The following SYNCRIP variants were observed in gnomAD, a reference collection of about 807,000 sequenced individuals.
SYNCRIP encodes the protein heterogeneous nuclear ribonucleoprotein Q.
Under a neutral mutation model 68.9 loss-of-function variants are expected in SYNCRIP, and 9 were observed. That is an observed-to-expected ratio of 0.13 (90% CI 0.08 to 0.23). SYNCRIP has a LOEUF of 0.23. Ranked by LOEUF, SYNCRIP falls within the 10% of genes least tolerant of loss-of-function variation. The pLI is 1.00. For synonymous variants in SYNCRIP, 258 were observed against 254.0 expected (o/e 1.02, Z -0.15); for missense variants, 414 against 770.6 (o/e 0.54, Z 5.48).
chr6:85,636,912 CTTGATA>C (rs1808527023), intron 6 of SYNCRIP, 49 bp downstream of exon 6: 2 of 1,507,278 alleles, frequency 1.3e-6, no homozygotes, highest in Non-Finnish European at 1.8e-6. Context: ...AAGAAAAAAA[CTTGATA>C]TTAAAGACAG....
chr6:85,640,140 T>C (rs1808959388), intron 4 of SYNCRIP, 81 bp downstream of exon 4: 5 of 942,092 alleles, frequency 5.3e-6, no homozygotes, highest in Non-Finnish European at 6.8e-6. Flanking sequence ...CATACATCCA[T>C]TTCATACCCA....
In SYNCRIP at chr6:85,614,539, T is replaced by C. The variant is rs1805541424; in HGVS notation, c.*217A>G. 3 of 1,263,594 alleles carry C rather than the reference T, an allele frequency of 2.4e-6. No individual in the cohort carries two copies. The highest frequency in any genetic ancestry group is 3.1e-5 in the African/African-American group (2 of 64,690). The allele number at this position is 1,263,594 out of a possible 1,614,324, so 78.3% of individuals were successfully genotyped here. On this transcript the variant is annotated 3_prime_UTR_variant, in exon 11 of 11. Transcript: ENST00000369622. ...CAAACTCATTAACTATTTCTTTCAG[T>C]ATCTAAGAATATCTTTATTGAAAAA...
chr6:85,630,217 C>T (rs1207000422), intron 6 of SYNCRIP, among the ~76,000 whole-genome samples: 2 of 151,802 alleles, frequency 1.3e-5, no homozygotes, highest in African/African-American at 4.8e-5. Flanking sequence ...AAAAAATTAG[C>T]CGGGTGTGGT....
chr6:85,633,086 A>G (rs1808004987), intron 6 of SYNCRIP, among the ~76,000 whole-genome samples: 1 of 151,630 alleles, frequency 6.6e-6, no homozygotes, highest in Non-Finnish European at 1.5e-5. Context: ...CCCTGTCTCT[A>G]CTAAAAAAAT....
intron 7 of SYNCRIP, among the ~76,000 whole-genome samples, chr6:85,623,579 A>ACAAAACAAAAAAAAAAAAC (rs66756023): frequency 2.4e-5 from 3 of 125,758 alleles, no homozygotes; most frequent in East Asian, 5.7e-4. Flanking sequence ...AAAAAAAAAA[A>ACAAAACAAAAAAAAAAAAC]AAAACACTCT....
chr6:85,628,851 A>T (rs1436310472), intron 6 of SYNCRIP, among the ~76,000 whole-genome samples: 1 of 152,194 alleles, frequency 6.6e-6, no homozygotes. Context: ...CACTGAATGG[A>T]GATTCAAGTT....
At position 85,626,094 on chromosome 6, in the gene SYNCRIP, C is replaced by A. The variant is rs572805153; in HGVS notation, c.667-1982G>T. Among the ~76,000 whole-genome samples the A allele has an allele frequency of 2.6e-5, 4 of 152,306 alleles. No homozygotes were observed. The South Asian group carries it at 8.3e-4, about 32-fold the overall frequency. On this transcript the variant is annotated intron_variant, in intron 6 of 10. Transcript: ENST00000369622. ...TTGTTTTCTCATATAGCATTCATGT[C>A]TTTCTCTTCTACCAGACTAATAATC... is the stretch of plus-strand genomic sequence containing the variant.
At chr6:85,632,209 A>G (rs545404695) in intron 6 of SYNCRIP, among the ~76,000 whole-genome samples, 1 of 152,342 alleles carries the variant, frequency 6.6e-6, no homozygotes, top group African/African-American at 2.4e-5. Context: ...GTATTAAAAG[A>G]CAATGCCAAA....
chr6:85,619,512 T>G, intron 8 of SYNCRIP, 95 bp from the exon 9 acceptor site: 2 of 1,103,324 alleles, frequency 1.8e-6, no homozygotes, highest in Non-Finnish European at 2.5e-6. Context: ...CAAATCACAA[T>G]CCATTAGAAG....
chr6:85,608,585 A>G (rs1208585261), exon 12 of SYNCRIP: 2 of 152,012 alleles, frequency 1.3e-5, no homozygotes, highest in African/African-American at 4.8e-5. Context: ...AAAGGAATGA[A>G]ATAAATATAA....
At chr6:85,616,676 C>G (rs996224406) in intron 10 of SYNCRIP, among the ~76,000 whole-genome samples, 2 of 152,130 alleles carry the variant, frequency 1.3e-5, no homozygotes, top group Admixed American at 1.3e-4. Context: ...TTAAAGGCCC[C>G]TGTTCCAACT....
rs1336303438 is a variant in SYNCRIP at position 85,615,077 on chromosome 6, G to A, written c.1551C>T (p.Pro517=). 2 of 1,613,968 alleles carry A rather than the reference G, an allele frequency of 1.2e-6. No individual in the cohort carries two copies. Among genetic ancestry groups the A allele is most frequent in the Non-Finnish European group, 1.7e-6 (2 of 1,180,032 alleles). Residue 517 remains proline (P), a synonymous_variant, in exon 11 of 11, where the codon CCC becomes CCT. Transcript: ENST00000369622. The part of the protein sequence containing the change: ...APSRGRGAAP[P]RGRAGYSQRG... ...TCTGTGAATAACCGGCTCTACCGCGGGGAGGAGCAGCCCCACGACCTCTGG... is the reference window on the plus strand; with the variant it reads ...TCTGTGAATAACCGGCTCTACCGCGAGGAGGAGCAGCCCCACGACCTCTGG...
chr6:85,610,613 A>G (rs1290118111), downstream of SYNCRIP: 2 of 152,036 alleles, frequency 1.3e-5, no homozygotes, highest in East Asian at 3.8e-4. Context: ...TAAAATCCCA[A>G]CAAGTAATTC....
chr6:85,623,889 G>A, intron 7 of SYNCRIP, 88 bp downstream of exon 7: 1 of 1,480,952 alleles, frequency 6.8e-7, no homozygotes, highest in Non-Finnish European at 9.2e-7. Context: ...GTCAATAAAT[G>A]TATTTAGAAC....
chr6:85,631,977 C>T (rs1158392014), intron 6 of SYNCRIP, among the ~76,000 whole-genome samples: 1 of 152,148 alleles, frequency 6.6e-6, no homozygotes, highest in Admixed American at 6.5e-5. Flanking sequence ...ATCATGCTTC[C>T]CTAGCTAGAT....
Position 85,614,373 on chromosome 6 carries a change from A to G in SYNCRIP, c.*383T>C, listed in dbSNP as rs766549031. 3 of 993,730 alleles carry G rather than the reference A, an allele frequency of 3.0e-6. No homozygotes were observed. Among genetic ancestry groups the G allele is most frequent in the Non-Finnish European group, 3.6e-6 (3 of 835,518 alleles). 61.6% of individuals were successfully genotyped at this position (993,730 alleles called of 1,614,324 possible). On this transcript the variant is annotated 3_prime_UTR_variant, in exon 11 of 11. Coordinates refer to ENST00000369622, the MANE Select transcript of SYNCRIP (RefSeq NM_006372.5). Reference sequence around the variant, plus strand: ...CTAGCAATTTAAGTTGGTAACATACAAAGTTATTCTGATACAAGATATTAA... The same window carrying G: ...CTAGCAATTTAAGTTGGTAACATACGAAGTTATTCTGATACAAGATATTAA...
downstream of SYNCRIP, chr6:85,608,334 T>C (rs984513481): frequency 2.0e-5 from 3 of 152,018 alleles, no homozygotes; most frequent in African/African-American, 7.2e-5. Context: ...TCCTAAGACA[T>C]GCTACAAAAA....
Position 85,615,261 on chromosome 6 carries a change from T to C in SYNCRIP, c.1367A>G (p.Tyr456Cys). ...RGRGGRGGYG[Y>C]PPDYYGYEDY... ...TTCATATCCATAATAATCTGGAGGA[T>C]ATCCATAACCACCTCTACCTCCACG... The change falls in exon 11 of 11, where the codon TAT becomes TGT. Residue 456 changes from tyrosine to cysteine, a missense_variant. Transcript: ENST00000369622. 1.2e-6 allele frequency: 2 copies of C among 1,603,328 alleles called. No individual in the cohort carries two copies. Among genetic ancestry groups the C allele is most frequent in the Non-Finnish European group, 1.7e-6 (2 of 1,172,254 alleles).
chr6:85,627,778 C>T (rs1368711798), intron 6 of SYNCRIP, among the ~76,000 whole-genome samples: 1 of 152,118 alleles, frequency 6.6e-6, no homozygotes, highest in Non-Finnish European at 1.5e-5. Flanking sequence ...AAGCTCAGTA[C>T]CACAGCTGAG....
Sources: allele counts gnomAD v4.1 joint callset (sites outside exome capture counted in the v4.1 genomes callset), GRCh38; gene constraint gnomAD v4.1.1; transcripts MANE v1.5; gene names NCBI Gene and HGNC (gene_info 2026-07-23, HGNC 2026-07-21).